BRF1: variants seen among roughly 807,000 people sequenced by gnomAD.
BRF1 encodes BRF1 general transcription factor IIIB subunit.
In BRF1, 59 loss-of-function variants were observed where a neutral mutation model predicts 81.7. The observed-to-expected ratio is 0.72, with a 90% confidence interval of 0.59 to 0.90. BRF1 has a LOEUF of 0.90. Among genes scored for constraint, BRF1 ranks in the 40% least tolerant of loss-of-function variants. The pLI, the probability that BRF1 is intolerant of heterozygous loss-of-function variation, is 0.00. For missense variants in BRF1, 1,050 were observed against 936.3 expected (o/e 1.12, Z -1.58); for synonymous variants, 491 against 395.6 (o/e 1.24, Z -2.86).
intron 3 of BRF1, among the ~76,000 whole-genome samples, chr14:105,260,200 C>T (rs1462623854): frequency 6.6e-6 from 1 of 152,120 alleles, no homozygotes; most frequent in Non-Finnish European, 1.5e-5. Flanking sequence ...GATGCTCACC[C>T]CCATTGAGCT....
intron 5 of BRF1, chr14:105,246,901 G>A (rs1025449803): frequency 4.1e-6 from 4 of 985,412 alleles, no homozygotes; most frequent in Non-Finnish European, 4.8e-6. Flanking sequence ...TGGCACCCCC[G>A]GAGACAGCTG....
intron 12 of BRF1, 188 bp downstream of exon 12, chr14:105,219,881 C>T (rs1353538450): frequency 7.6e-6 from 5 of 658,724 alleles, no homozygotes; most frequent in South Asian, 1.9e-5. Flanking sequence ...GCCCCCGAGC[C>T]GACACTGGAG....
chr14:105,225,909 G>C (rs761801201), intron 10 of BRF1, among the ~76,000 whole-genome samples, 160 bp downstream of exon 10: 1 of 152,228 alleles, frequency 6.6e-6, no homozygotes, highest in African/African-American at 2.4e-5. Flanking sequence ...GCCTCCTAAA[G>C]TGCTGGGATT....
intron 1 of BRF1, among the ~76,000 whole-genome samples, chr14:105,295,151 AAGC>A (rs1566873499): frequency 1.3e-5 from 2 of 152,012 alleles, no homozygotes; most frequent in African/African-American, 4.8e-5. Context: ...TATCCCACGC[AAGC>A]ATCAGCAGGA....
chr14:105,256,766 C>T (rs2816612), intron 3 of BRF1, among the ~76,000 whole-genome samples: 37,972 of 152,058 alleles, frequency 0.25, 4,995 homozygotes, highest in South Asian at 0.28. Context: ...ACAAGTGAGA[C>T]TTCTGTGAAC....
chr14:105,300,262 C>T (rs1318196845), intron 1 of BRF1, among the ~76,000 whole-genome samples, 184 bp downstream of exon 1: 1 of 152,232 alleles, frequency 6.6e-6, no homozygotes, highest in Non-Finnish European at 1.5e-5. Context: ...CGGGGGTCCA[C>T]AGGCGCGCGA....
chr14:105,215,709 GGCACACACACACAT>G (rs1891062654), intron 15 of BRF1, among the ~76,000 whole-genome samples: 1 of 108,900 alleles, frequency 9.2e-6, no homozygotes, highest in Admixed American at 9.6e-5. Context: ...CATGCACACA[GGCACACACACACAT>G]GCACACACAC....
At chr14:105,245,694 T>C (rs1000587548) in intron 5 of BRF1, among the ~76,000 whole-genome samples, 2 of 152,146 alleles carry the variant, frequency 1.3e-5, no homozygotes, top group East Asian at 1.9e-4. Context: ...GTCTCTTCAA[T>C]ATGCAGCGCT....
intron 3 of BRF1, among the ~76,000 whole-genome samples, chr14:105,267,794 G>A (rs1025828166): frequency 2.6e-5 from 4 of 152,200 alleles, no homozygotes; most frequent in Admixed American, 6.5e-5. Flanking sequence ...GCCAGAACAG[G>A]GGGGCAGAGA....
Position 105,210,394 on chromosome 14 carries a change from G to A in BRF1, c.*157C>T. The A allele has an allele frequency of 4.1e-6, 3 of 733,164 alleles. No individual in the cohort carries two copies. The highest frequency in any genetic ancestry group is 2.6e-5 in the Admixed American group (1 of 38,426). 45.4% of individuals were successfully genotyped at this position (733,164 alleles called of 1,614,324 possible). On this transcript the variant is annotated 3_prime_UTR_variant, in exon 18 of 18. Transcript: ENST00000547530. The surrounding 1 kb of genome is among the most constrained non-coding windows in gnomAD (Gnocchi z 4.7). ...GCTGAATAGAAACACAATCCCAATG[G>A]TAAGTTCCACATGGGACGAGGGCTG...
rs1244278443 is a variant in BRF1 at position 105,226,655 on chromosome 14, C to T, written c.894G>A (p.Gln298=). ...CTACCTGCTTCATCCGCAGCTTCCT[C>T]TGCCCAGCTGTGTACGAGGGGGGGT... is the stretch of plus-strand genomic sequence containing the variant. The part of the protein sequence containing the change: ...ECDPPSYTAG[Q]RKLRMKQLEQ... The change falls in exon 8 of 18, where the codon CAG becomes CAA. Residue 298 remains glutamine (Q), a synonymous_variant. Transcript: ENST00000547530. 3 of 1,613,404 alleles carry T rather than the reference C, an allele frequency of 1.9e-6. No individual in the cohort carries two copies. The highest frequency in any genetic ancestry group is 1.6e-4 in the Middle Eastern group (1 of 6,062).
Position 105,300,608 on chromosome 14 carries a change from C to A in BRF1, c.22G>T (p.Gly8Cys). 5 of 1,429,566 alleles carry A rather than the reference C, an allele frequency of 3.5e-6. No individual in the cohort carries two copies. The highest frequency in any genetic ancestry group is 2.5e-4 in the Middle Eastern group (1 of 4,052). The allele number at this position is 1,429,566 out of a possible 1,614,324, so 88.6% of individuals were successfully genotyped here. The change falls in exon 1 of 18, where the codon GGT becomes TGT. Residue 8 changes from glycine (G) to cysteine (C), a missense_variant. Gly to Cys is a radical substitution (Grantham distance 159, BLOSUM62 -3). Around this residue, in one of 2 missense-constraint regions of BRF1, gnomAD observed 7 missense variants for 20.9 expected, o/e 0.33. Coordinates refer to ENST00000547530, the MANE Select transcript of BRF1 (RefSeq NM_001519.4). MTGRVCR[G>C]CGGTDIELDA... ...AGCTCGATGTCCGTGCCGCCGCAAC[C>A]GCGGCACACGCGGCCCGTCATGCCG...
intron 1 of BRF1, among the ~76,000 whole-genome samples, chr14:105,297,563 C>CT (rs1276440212): frequency 6.6e-6 from 1 of 152,018 alleles, no homozygotes; most frequent in African/African-American, 2.4e-5. Context: ...GGGTGAGACT[C>CT]TGTCTCAAAA....
intron 5 of BRF1, chr14:105,250,773 CTCTT>C: frequency 8.1e-7 from 1 of 1,242,196 alleles, no homozygotes; most frequent in Non-Finnish European, 1.1e-6. Context: ...AACTTTGTCT[CTCTT>C]TGACATGTAG....
At chr14:105,263,902 G>A (rs778672996) in intron 3 of BRF1, among the ~76,000 whole-genome samples, 3 of 150,162 alleles carry the variant, frequency 2.0e-5, no homozygotes, top group Admixed American at 6.6e-5. Flanking sequence ...TCCAGCCTGG[G>A]CAACAGAGTG....
intron 1 of BRF1, among the ~76,000 whole-genome samples, chr14:105,310,171 C>T (rs921661945): frequency 6.6e-6 from 1 of 152,040 alleles, no homozygotes; most frequent in Non-Finnish European, 1.5e-5. Flanking sequence ...GCTTCTCTAA[C>T]CATTTTCCAC....
intron 4 of BRF1, among the ~76,000 whole-genome samples, chr14:105,255,143 C>G (rs1164747726): frequency 6.6e-6 from 1 of 152,252 alleles, no homozygotes; most frequent in Non-Finnish European, 1.5e-5. Context: ...ATGGGACCAT[C>G]TGAGTCCCCA....
At chr14:105,260,197 A>AC (rs1397765813) in intron 3 of BRF1, among the ~76,000 whole-genome samples, 1 of 152,032 alleles carries the variant, frequency 6.6e-6, no homozygotes, top group Non-Finnish European at 1.5e-5. Flanking sequence ...AACGATGCTC[A>AC]CCCCCATTGA....
In BRF1 at chr14:105,250,237, C is replaced by T. The variant is rs61740085; in HGVS notation, c.544+2270G>A. The T allele has an allele frequency of 0.012, 18,968 of 1,613,016 alleles. 140 individuals are homozygous for T. The highest frequency in any genetic ancestry group is 0.022 in the Middle Eastern group (135 of 6,062). ...TCGCCCCGCAGAGGTGCCACCGATT[C>T]CAGTCTTCTGCCTACCGCAGCAACC... On this transcript the variant is annotated intron_variant, in intron 5 of 17. Transcript: ENST00000547530.
Sources: gnomAD v4.1 joint callset for allele counts (sites outside exome capture counted in the v4.1 genomes callset) on GRCh38, gnomAD v4.1.1 for gene constraint, gnomAD v4.1.1 regional missense constraint, Gnocchi (gnomAD v3.1) non-coding constraint, MANE v1.5 for transcripts, NCBI Gene and HGNC (gene_info 2026-07-23, HGNC 2026-07-21) for gene names.